PDE4D: variants seen among roughly 807,000 people sequenced by gnomAD.
PDE4D encodes 3',5'-cyclic-AMP phosphodiesterase 4D.
In PDE4D, 24 loss-of-function variants were observed where a neutral mutation model predicts 87.4. The ratio of observed to expected loss-of-function variants is 0.27; its 90% CI spans 0.20 to 0.39. The LOEUF (loss-of-function observed/expected upper bound fraction) is 0.39. Among genes scored for constraint, PDE4D ranks in the 10% least tolerant of loss-of-function variants. PDE4D has a pLI of 1.00. For missense variants in PDE4D, 714 were observed against 1,041.0 expected (o/e 0.69, Z 4.32); for synonymous variants, 384 against 383.2 (o/e 1.00, Z -0.02).
At chr5:60,327,033 T>C (rs922330966) in intron 1 of PDE4D, among the ~76,000 whole-genome samples, 8 of 152,138 alleles carry the variant, frequency 5.3e-5, no homozygotes, top group African/African-American at 1.7e-4. Flanking sequence ...ACATATCCCA[T>C]GCCATAGAAA....
rs1211297841 is a variant in PDE4D at position 59,893,610 on chromosome 5, C to T, written c.13G>A (p.Gly5Ser). Residue 5 changes from glycine to serine, a missense_variant, in exon 1 of 15, where the codon GGC becomes AGC. Coordinates refer to ENST00000340635, the MANE Select transcript of PDE4D (RefSeq NM_001104631.2). The part of the protein sequence containing the change: MEAE[G>S]SSAPARAGSG... The stretch of plus-strand genomic sequence containing the variant: ...CCCGCCCGGGCCGGCGCGCTGCTGC[C>T]CTCTGCCTCCATCCTGGCTCGCGGC... The T allele has an allele frequency of 1.3e-6, 2 of 1,509,736 alleles. No individual in the cohort carries two copies. The highest frequency in any genetic ancestry group is 1.8e-6 in the Non-Finnish European group (2 of 1,131,282). 93.5% of individuals were successfully genotyped at this position (1,509,736 alleles called of 1,614,324 possible). A position where few individuals can be genotyped will look rare whatever the true frequency, so the allele number is the denominator to read the frequency against.
At chr5:59,276,025 G>T (rs1186645538) in intron 1 of PDE4D, 28 of 979,972 alleles carry the variant, frequency 2.9e-5, no homozygotes, top group Non-Finnish European at 3.3e-5. Flanking sequence ...TTGTGAATGA[G>T]AACTATCATT....
intron 1 of PDE4D, among the ~76,000 whole-genome samples, chr5:59,463,415 A>G (rs2153647199): frequency 6.6e-6 from 1 of 152,300 alleles, no homozygotes; most frequent in South Asian, 2.1e-4. Flanking sequence ...CTTACCAGCG[A>G]AAGAAAATCA....
intron 1 of PDE4D, among the ~76,000 whole-genome samples, chr5:59,696,068 T>TA (rs1362868254): frequency 6.6e-6 from 1 of 152,212 alleles, no homozygotes; most frequent in Non-Finnish European, 1.5e-5. Context: ...TACACATATA[T>TA]AGGAAAGAAG....
chr5:60,263,576 A>G (rs956061054), intron 1 of PDE4D, among the ~76,000 whole-genome samples: 6 of 152,234 alleles, frequency 3.9e-5, no homozygotes, highest in Non-Finnish European at 7.3e-5. Flanking sequence ...TGCTCTTGCA[A>G]TAAAATGCTT....
chr5:59,140,623 A>G (rs1777748672), intron 5 of PDE4D, among the ~76,000 whole-genome samples: 1 of 152,246 alleles, frequency 6.6e-6, no homozygotes, highest in South Asian at 2.1e-4. Context: ...GTTAGAAACA[A>G]TTTTTAAGAA....
intron 1 of PDE4D, among the ~76,000 whole-genome samples, chr5:59,565,840 T>C (rs1416347729): frequency 6.6e-6 from 1 of 151,958 alleles, no homozygotes; most frequent in Non-Finnish European, 1.5e-5. Flanking sequence ...TCCCCTCATA[T>C]GAGAATTGAG....
At chr5:59,076,318 C>G (rs1765676328) in intron 5 of PDE4D, among the ~76,000 whole-genome samples, 2 of 152,116 alleles carry the variant, frequency 1.3e-5, no homozygotes, top group Non-Finnish European at 2.9e-5. Context: ...ATCTAGAGAA[C>G]AAGTACTTCA....
chr5:59,031,677 C>T (rs887494011), intron 6 of PDE4D, among the ~76,000 whole-genome samples: 9 of 127,892 alleles, frequency 7.0e-5, no homozygotes, highest in Non-Finnish European at 1.4e-4. Context: ...CACTGCACTC[C>T]AGCCTGGGCT....
At chr5:60,394,014 T>A (rs1762721468) in intron 1 of PDE4D, among the ~76,000 whole-genome samples, 1 of 152,216 alleles carries the variant, frequency 6.6e-6, no homozygotes, top group South Asian at 2.1e-4. Flanking sequence ...TAACCTCTTA[T>A]TTTTTGCAGC....
chr5:59,386,531 GGGCCTGGGCA>G (rs1396939875), intron 1 of PDE4D, among the ~76,000 whole-genome samples: 4 of 136,258 alleles, frequency 2.9e-5, no homozygotes, highest in African/African-American at 1.0e-4. Flanking sequence ...AATATGACTT[GGGCCTGGGCA>G]TGGTGGCTCA....
At chr5:59,363,154 T>C (rs1782496134) in intron 1 of PDE4D, among the ~76,000 whole-genome samples, 1 of 152,210 alleles carries the variant, frequency 6.6e-6, no homozygotes, top group Admixed American at 6.5e-5. Flanking sequence ...TGCTGAGTTA[T>C]AATGTCTTAT....
At chr5:59,158,371 T>C (rs1780551113) in intron 5 of PDE4D, among the ~76,000 whole-genome samples, 1 of 152,122 alleles carries the variant, frequency 6.6e-6, no homozygotes, top group South Asian at 2.1e-4. Context: ...TACAATCGAG[T>C]CCCTGAACAT....
intron 1 of PDE4D, among the ~76,000 whole-genome samples, chr5:59,467,482 C>T (rs1801754051): frequency 6.6e-6 from 1 of 152,060 alleles, no homozygotes; most frequent in African/African-American, 2.4e-5. Context: ...ACCTTTTAAC[C>T]TTTGCTATTT....
At position 59,893,518 on chromosome 5, in the gene PDE4D, G is replaced by C. The variant is rs995039096; in HGVS notation, c.105C>G (p.His35Gln). 15 of 1,541,650 alleles carry C rather than the reference G, an allele frequency of 9.7e-6. No homozygotes were observed. The highest frequency in any genetic ancestry group is 2.5e-5 in the East Asian group (1 of 40,230). The change falls in exon 1 of 15, where the codon CAC becomes CAG. Residue 35 changes from histidine (H) to glutamine (Q), a missense_variant. His to Gln is a conservative substitution (Grantham distance 24, BLOSUM62 0). Around this residue, in one of 7 missense-constraint regions of PDE4D, gnomAD observed 268 missense variants for 272.9 expected, o/e 0.98. Transcript: ENST00000340635. ...GGAGCGGGTACTGGTGGTGCTGCTCGTGCCTCCAGAGATGCTTGGGGGCTT... is the reference window on the plus strand; with the variant it reads ...GGAGCGGGTACTGGTGGTGCTGCTCCTGCCTCCAGAGATGCTTGGGGGCTT... Reference protein sequence around the residue: ...TLKAPKHLWRHEQHHQYPLRQ... With the variant: ...TLKAPKHLWRQEQHHQYPLRQ...
chr5:59,239,283 C>T (rs1005220192), intron 1 of PDE4D, among the ~76,000 whole-genome samples: 2 of 152,140 alleles, frequency 1.3e-5, no homozygotes, highest in Non-Finnish European at 2.9e-5. Flanking sequence ...ACACTGATCA[C>T]GTTGCTGAAA....
At chr5:60,014,830 G>A (rs1484549919) in intron 2 of PDE4D, among the ~76,000 whole-genome samples, 2 of 152,182 alleles carry the variant, frequency 1.3e-5, no homozygotes, top group Non-Finnish European at 2.9e-5. Flanking sequence ...AAGTGACTCC[G>A]TTTGCGAATG....
At chr5:59,659,079 T>C (rs576089257) in intron 1 of PDE4D, among the ~76,000 whole-genome samples, 1 of 152,282 alleles carries the variant, frequency 6.6e-6, no homozygotes, top group African/African-American at 2.4e-5. Context: ...ACCTATGCAA[T>C]CCAAGGAGAT....
At chr5:59,475,859 G>A (rs2153654028) in intron 1 of PDE4D, among the ~76,000 whole-genome samples, 1 of 152,106 alleles carries the variant, frequency 6.6e-6, no homozygotes, top group African/African-American at 2.4e-5. Context: ...GGGCAGGCTT[G>A]TCTTTAAAAT....
Sources: gnomAD v4.1 joint callset for allele counts (sites outside exome capture counted in the v4.1 genomes callset) on GRCh38, gnomAD v4.1.1 for gene constraint, gnomAD v4.1.1 regional missense constraint, MANE v1.5 for transcripts, NCBI Gene and HGNC (gene_info 2026-07-23, HGNC 2026-07-21) for gene names.